CDH13: variants seen among roughly 807,000 people sequenced by gnomAD.
CDH13 encodes cadherin-13.
In CDH13, 24 loss-of-function variants were observed where a neutral mutation model predicts 63.8. That is an observed-to-expected ratio of 0.38 (90% CI 0.27 to 0.53). The LOEUF (loss-of-function observed/expected upper bound fraction) is 0.53, where lower values mean the gene tolerates loss of function less well. Among genes scored for constraint, CDH13 ranks in the 20% least tolerant of loss-of-function variants. The pLI, the probability that CDH13 is intolerant of heterozygous loss-of-function variation, is 0.85. For synonymous variants in CDH13, 503 were observed against 355.3 expected (o/e 1.42, Z -4.67); for missense variants, 1,049 against 903.1 (o/e 1.16, Z -2.07).
chr16:82,875,881 T>C (rs1478242112), intron 2 of CDH13, among the ~76,000 whole-genome samples: 1 of 152,206 alleles, frequency 6.6e-6, no homozygotes, highest in African/African-American at 2.4e-5. Context: ...TACCCGAGAC[T>C]GGGCAATTTA....
At chr16:82,767,746 T>C (rs765135752) in intron 1 of CDH13, among the ~76,000 whole-genome samples, 1 of 152,180 alleles carries the variant, frequency 6.6e-6, no homozygotes, top group Non-Finnish European at 1.5e-5. Flanking sequence ...CTGAGCTCTC[T>C]CTCCTTTGGA....
chr16:83,273,131 T>G (rs1444834748), intron 5 of CDH13, among the ~76,000 whole-genome samples: 1 of 152,080 alleles, frequency 6.6e-6, no homozygotes, highest in East Asian at 1.9e-4. Context: ...TTGGTGCATA[T>G]CACTTCTTTA....
intron 1 of CDH13, among the ~76,000 whole-genome samples, chr16:82,652,943 A>AT (rs1249577144): frequency 6.6e-6 from 1 of 152,134 alleles, no homozygotes; most frequent in African/African-American, 2.4e-5. Context: ...TAGCTCATTC[A>AT]TTCATTGATT....
At chr16:82,648,813 AAAG>A (rs1306756726) in intron 1 of CDH13, among the ~76,000 whole-genome samples, 8 of 152,216 alleles carry the variant, frequency 5.3e-5, no homozygotes, top group Non-Finnish European at 8.8e-5. Context: ...TGAAAGTTTT[AAAG>A]AAGGGAATAA....
chr16:83,757,590 A>T (rs761723325), intron 11 of CDH13, among the ~76,000 whole-genome samples: 2 of 152,184 alleles, frequency 1.3e-5, no homozygotes, highest in South Asian at 4.1e-4. Flanking sequence ...AAAAATTTTT[A>T]AAAATTGAAA....
intron 2 of CDH13, among the ~76,000 whole-genome samples, chr16:83,007,026 C>T (rs117529531): frequency 0.032 from 4,876 of 151,946 alleles, 106 homozygotes; most frequent in Non-Finnish European, 0.045. Flanking sequence ...CGGGCTCAGG[C>T]GATTTTCCTG....
chr16:83,646,482 C>G (rs1015633160), intron 8 of CDH13, among the ~76,000 whole-genome samples: 1 of 151,706 alleles, frequency 6.6e-6, no homozygotes, highest in African/African-American at 2.4e-5. Context: ...GGGTGGATCA[C>G]CTGAGGTCAG....
chr16:83,745,612 A>T (rs1397716800), intron 10 of CDH13, among the ~76,000 whole-genome samples: 1 of 152,134 alleles, frequency 6.6e-6, no homozygotes, highest in African/African-American at 2.4e-5. Context: ...TTTGTCAGCC[A>T]GCAATTTCTT....
At chr16:82,848,100 CA>C (rs1370085311) in intron 1 of CDH13, among the ~76,000 whole-genome samples, 5 of 152,124 alleles carry the variant, frequency 3.3e-5, no homozygotes, top group Non-Finnish European at 7.4e-5. Flanking sequence ...GGTTTTGTAA[CA>C]ATGAAAAATG....
intron 1 of CDH13, among the ~76,000 whole-genome samples, chr16:82,850,941 T>A (rs751741560): frequency 2.0e-5 from 3 of 152,246 alleles, no homozygotes; most frequent in Non-Finnish European, 4.4e-5. Context: ...AACATAACTT[T>A]TATATGCACT....
At chr16:83,084,509 G>T (rs2033454183) in intron 3 of CDH13, among the ~76,000 whole-genome samples, 1 of 152,130 alleles carries the variant, frequency 6.6e-6, no homozygotes, top group Admixed American at 6.5e-5. Context: ...AGATTATGGG[G>T]AAAAAATGTA....
chr16:83,547,671 G>C (rs151261617), intron 7 of CDH13, among the ~76,000 whole-genome samples: 2 of 152,112 alleles, frequency 1.3e-5, no homozygotes, highest in Non-Finnish European at 2.9e-5. Context: ...TGGTATATAC[G>C]TACCACATTT....
chr16:83,704,517 A>T (rs1466820406), intron 10 of CDH13, among the ~76,000 whole-genome samples: 1 of 151,926 alleles, frequency 6.6e-6, no homozygotes, highest in Non-Finnish European at 1.5e-5. Flanking sequence ...AGCAGGCACC[A>T]CTCCCATATC....
intron 9 of CDH13, among the ~76,000 whole-genome samples, chr16:83,675,414 C>A (rs139340564): frequency 2.6e-5 from 4 of 152,326 alleles, no homozygotes; most frequent in Non-Finnish European, 5.9e-5. Context: ...CTGCTCCCCT[C>A]CCTCTGTGGC....
At chr16:83,082,989 T>C (rs1280183983) in intron 3 of CDH13, among the ~76,000 whole-genome samples, 3 of 96 alleles carry the variant, frequency 0.031, no homozygotes, top group Admixed American at 0.12. Context: ...TAGTAAGAAT[T>C]TTTTTTAATA....
intron 7 of CDH13, among the ~76,000 whole-genome samples, chr16:83,533,618 CTTT>C (rs11365656): frequency 6.9e-5 from 8 of 116,096 alleles, no homozygotes; most frequent in African/African-American, 1.4e-4. Flanking sequence ...TTTACATTAT[CTTT>C]TTTTTTTTTT....
intron 2 of CDH13, among the ~76,000 whole-genome samples, chr16:82,932,145 C>G (rs2042516271): frequency 6.6e-6 from 1 of 152,032 alleles, no homozygotes; most frequent in Admixed American, 6.6e-5. Flanking sequence ...CATTAGTGGT[C>G]AAAAGCATAT....
chr16:82,876,075 G>A (rs571592658), intron 2 of CDH13, among the ~76,000 whole-genome samples: 30 of 152,250 alleles, frequency 2.0e-4, no homozygotes, highest in African/African-American at 6.7e-4. Flanking sequence ...TCACTATCAC[G>A]AGAACAGTAC....
chr16:82,758,007 A>G (rs1191766083), intron 1 of CDH13, among the ~76,000 whole-genome samples: 2 of 152,128 alleles, frequency 1.3e-5, no homozygotes, highest in African/African-American at 4.8e-5. Flanking sequence ...TCTCTCTGGC[A>G]AGTGTGTGAA....
Sources: gnomAD v4.1 joint callset for allele counts (sites outside exome capture counted in the v4.1 genomes callset) on GRCh38, gnomAD v4.1.1 for gene constraint, MANE v1.5 for transcripts, NCBI Gene and HGNC (gene_info 2026-07-23, HGNC 2026-07-21) for gene names.